Variants in ATG5 observed in about 807,000 individuals in gnomAD.
ATG5 encodes the protein autophagy related 5, also known as autophagy protein 5.
ATG5 carries 14 observed loss-of-function variants against 36.5 expected under a neutral mutation model. The ratio of observed to expected loss-of-function variants is 0.38; its 90% CI spans 0.25 to 0.60. ATG5 has a LOEUF of 0.60. ATG5 is among the 20% of genes least tolerant of loss of function. The pLI, the probability that ATG5 is intolerant of heterozygous loss-of-function variation, is 0.60. For missense variants in ATG5, 195 were observed against 326.7 expected (o/e 0.60, Z 3.11); for synonymous variants, 95 against 101.5 (o/e 0.94, Z 0.38).
At chr6:106,258,238 G>A (rs570656360) in intron 5 of ATG5, among the ~76,000 whole-genome samples, 26 of 151,516 alleles carry the variant, frequency 1.7e-4, no homozygotes, top group African/African-American at 6.0e-4. Context: ...CATTGGTGGT[G>A]TATGCCAGTA....
intron 7 of ATG5, among the ~76,000 whole-genome samples, chr6:106,200,438 T>A (rs981491733): frequency 1.1e-4 from 17 of 151,776 alleles, no homozygotes; most frequent in East Asian, 3.9e-4. Context: ...TAAAGTTTTT[T>A]AAAAAAAATT....
Position 106,308,407 on chromosome 6 carries a change from T to C in ATG5, c.193A>G (p.Ile65Val), listed in dbSNP as rs77859116. The change falls in exon 3 of 8, where the codon ATT (isoleucine) becomes GTT (valine). Residue 65 changes from isoleucine to valine, a missense_variant. Transcript: ENST00000369076. The part of the protein sequence containing the change: ...HFQKVMRQED[I>V]SEIWFEYEGT... ...TCATATTCAAACCATATCTCACTAA[T>C]GTCTTCTTGTCTCATAACCTTCTGA... The C allele has an allele frequency of 1.3e-3, 2,111 of 1,595,748 alleles. 31 individuals are homozygous for C. In the East Asian group the frequency reaches 0.031, roughly 23 times the overall value.
chr6:106,253,252 G>C (rs1024265311), intron 5 of ATG5, among the ~76,000 whole-genome samples: 1 of 152,178 alleles, frequency 6.6e-6, no homozygotes, highest in South Asian at 2.1e-4. Flanking sequence ...CAAATTAAGA[G>C]AATCAGCCCT....
intron 4 of ATG5, 63 bp from the exon 5 acceptor site, chr6:106,279,886 A>G: frequency 9.0e-7 from 1 of 1,115,618 alleles, no homozygotes; most frequent in Non-Finnish European, 1.2e-6. Flanking sequence ...AACCTCTTAA[A>G]AGAGAACTAT....
At chr6:106,260,160 T>C (rs894300403) in intron 5 of ATG5, among the ~76,000 whole-genome samples, 4 of 152,134 alleles carry the variant, frequency 2.6e-5, no homozygotes, top group African/African-American at 9.7e-5. Context: ...CCAATGTAAA[T>C]GACAAGTTTA....
chr6:106,219,284 A>C (rs1049020160), intron 6 of ATG5, among the ~76,000 whole-genome samples: 9 of 152,164 alleles, frequency 5.9e-5, no homozygotes, highest in African/African-American at 2.2e-4. Context: ...CTATTTGCAA[A>C]TGTTATAAAG....
At chr6:106,317,521 G>C (rs748085934) in intron 1 of ATG5, among the ~76,000 whole-genome samples, 2 of 152,178 alleles carry the variant, frequency 1.3e-5, no homozygotes, top group South Asian at 2.1e-4. Flanking sequence ...TAAACTGCAA[G>C]AGGTGGAAAA....
intron 3 of ATG5, among the ~76,000 whole-genome samples, chr6:106,305,290 T>A (rs1158752112): frequency 6.6e-6 from 1 of 152,178 alleles, no homozygotes; most frequent in Non-Finnish European, 1.5e-5. Context: ...TATGTACTAT[T>A]TCTTTAAAAA....
chr6:106,264,518 C>T (rs898405338), intron 5 of ATG5, among the ~76,000 whole-genome samples: 5 of 152,094 alleles, frequency 3.3e-5, no homozygotes, highest in Admixed American at 3.3e-4. Flanking sequence ...TAAAGAAGAG[C>T]AACCCCAAGA....
chr6:106,276,654 T>G (rs1455884448), intron 5 of ATG5, among the ~76,000 whole-genome samples: 1 of 152,162 alleles, frequency 6.6e-6, no homozygotes. Context: ...ACCCCTGAGT[T>G]CTTTTTAACA....
rs1404575559 is a variant in ATG5, at chr6:106,279,760, A to G, written c.379T>C (p.Ser127Pro). The G allele has an allele frequency of 6.2e-7, 1 of 1,607,440 alleles. No homozygotes were observed. Among genetic ancestry groups the G allele is most frequent in the Admixed American group, 1.7e-5 (1 of 59,512 alleles). The change falls in exon 5 of 8, where the codon TCA becomes CCA. Residue 127 changes from serine to proline, a missense_variant. By Grantham distance (74) the Ser-to-Pro change is moderately conservative (BLOSUM62 -1). Coordinates refer to ENST00000369076, the MANE Select transcript of ATG5 (RefSeq NM_004849.4). ...SKDAIEAHFM[S>P]CMKEADALKH... ...AAAGCATCAGCTTCTTTCATACATG[A>G]CATAAAATGAGCTTCAATTGCATCC...
At chr6:106,277,206 A>T (rs1779692277) in intron 5 of ATG5, among the ~76,000 whole-genome samples, 1 of 152,222 alleles carries the variant, frequency 6.6e-6, no homozygotes, top group South Asian at 2.1e-4. Flanking sequence ...TGATGTGGTA[A>T]TAGCATAGTC....
At chr6:106,308,328 T>C in intron 3 of ATG5, 36 bp downstream of exon 3, 1 of 1,511,024 alleles carries the variant, frequency 6.6e-7, no homozygotes, top group Non-Finnish European at 8.8e-7. Context: ...AGCTAGTATA[T>C]ACTTAATGCT....
intron 3 of ATG5, among the ~76,000 whole-genome samples, chr6:106,295,565 T>TTA (rs543580339): frequency 1.5e-4 from 16 of 110,214 alleles, no homozygotes; most frequent in Admixed American, 1.4e-3. Context: ...AATCAAGTAA[T>TTA]TTTTTTTTTT....
chr6:106,307,632 G>T (rs1464211943), intron 3 of ATG5, among the ~76,000 whole-genome samples: 2 of 149,818 alleles, frequency 1.3e-5, no homozygotes, highest in Non-Finnish European at 3.0e-5. Context: ...CACCTCCCAG[G>T]TTCAAGCATT....
intron 3 of ATG5, among the ~76,000 whole-genome samples, chr6:106,303,395 TATATC>T (rs1770293373): frequency 6.6e-6 from 1 of 152,134 alleles, no homozygotes; most frequent in Non-Finnish European, 1.5e-5. Context: ...TAGATCTATA[TATATC>T]AAAGAAATTG....
intron 7 of ATG5, among the ~76,000 whole-genome samples, chr6:106,201,195 C>T (rs892289065): frequency 6.6e-6 from 1 of 151,774 alleles, no homozygotes; most frequent in Non-Finnish European, 1.5e-5. Flanking sequence ...CTGCTGTGGG[C>T]ATGATGGGGA....
intron 2 of ATG5, among the ~76,000 whole-genome samples, chr6:106,310,730 C>A (rs1770615139): frequency 6.6e-6 from 1 of 152,122 alleles, no homozygotes; most frequent in Non-Finnish European, 1.5e-5. Flanking sequence ...CTCCCAGTAA[C>A]CACCATTTTA....
intron 7 of ATG5, among the ~76,000 whole-genome samples, chr6:106,199,087 G>A (rs1013130718): frequency 6.6e-5 from 10 of 152,220 alleles, no homozygotes; most frequent in Admixed American, 6.5e-4. Context: ...GACTGAGGAT[G>A]TGGAGAAACT....
Sources: gnomAD v4.1 joint callset for allele counts (sites outside exome capture counted in the v4.1 genomes callset) on GRCh38, gnomAD v4.1.1 for gene constraint, MANE v1.5 for transcripts, NCBI Gene and HGNC (gene_info 2026-07-23, HGNC 2026-07-21) for gene names.